The following UNC79 variants were observed in gnomAD, a reference collection of about 807,000 sequenced individuals.
UNC79 encodes the protein unc-79 subunit of NALCN channel complex.
A neutral mutation model predicts 283.1 loss-of-function variants in UNC79; 37 were observed. That is an observed-to-expected ratio of 0.13 (90% CI 0.10 to 0.17). The LOEUF (loss-of-function observed/expected upper bound fraction) is 0.17, where lower values mean the gene tolerates loss of function less well. Among genes scored for constraint, UNC79 ranks in the 10% least tolerant of loss-of-function variants. The pLI is 1.00. For synonymous variants in UNC79, 1,107 were observed against 1,200.2 expected (o/e 0.92, Z 1.61); for missense variants, 2,272 against 3,211.1 (o/e 0.71, Z 7.07).
At chr14:93,425,655 G>A (rs1312708871), upstream of UNC79, among the ~76,000 whole-genome samples, 1 of 152,158 alleles carries the variant, frequency 6.6e-6, no homozygotes, top group Non-Finnish European at 1.5e-5. Context: ...AAATGGGTAA[G>A]ATGCTACTTA....
intron 1 of UNC79, among the ~76,000 whole-genome samples, chr14:93,383,151 G>A (rs2054698978): frequency 6.6e-6 from 1 of 152,154 alleles, no homozygotes; most frequent in Admixed American, 6.5e-5. Flanking sequence ...TACTGGGACC[G>A]TTTTGGGTCT....
At chr14:93,681,677 C>T (rs904551155) in intron 41 of UNC79, among the ~76,000 whole-genome samples, 1 of 152,138 alleles carries the variant, frequency 6.6e-6, no homozygotes. Flanking sequence ...TTTCAGGTCC[C>T]AAAGTTGTTA....
chr14:93,368,404 G>A (rs1289923209), intron 1 of UNC79, among the ~76,000 whole-genome samples: 1 of 152,114 alleles, frequency 6.6e-6, no homozygotes, highest in Non-Finnish European at 1.5e-5. Context: ...TGGGGAGTGG[G>A]GAGAAGGCAT....
chr14:93,407,776 T>C (rs1302976754), intron 1 of UNC79, among the ~76,000 whole-genome samples: 1 of 152,082 alleles, frequency 6.6e-6, no homozygotes, highest in Non-Finnish European at 1.5e-5. Context: ...TCCTCCCCAG[T>C]ACCTTACTAC....
At chr14:93,462,072 C>T (rs1309514773) in intron 1 of UNC79, among the ~76,000 whole-genome samples, 1 of 152,000 alleles carries the variant, frequency 6.6e-6, no homozygotes, top group East Asian at 1.9e-4. Context: ...TTTGGGAGGC[C>T]GAGGCGGTCA....
rs571096088 is a variant in UNC79 at position 93,382,733 on chromosome 14, C to T, written c.-351+49210C>T. On this transcript the variant is annotated intron_variant, in intron 1 of 49. Transcript: ENST00000256339. ...GTCCATATTTAGTGAGTGGTAGAGT[C>T]GGTTCTGGAATCCATGTGTTCTGAT... 4.6e-5 allele frequency among the ~76,000 whole-genome samples: 7 copies of T among 152,212 alleles called. 1 individual carries two copies. In the South Asian group the frequency reaches 8.3e-4, roughly 18 times the overall value.
At chr14:93,660,431 G>T (rs1423883142) in intron 39 of UNC79, among the ~76,000 whole-genome samples, 1 of 148,522 alleles carries the variant, frequency 6.7e-6, no homozygotes, top group Admixed American at 6.8e-5. Context: ...TTGAATTCAG[G>T]CTTCTCTTTT....
intron 46 of UNC79, among the ~76,000 whole-genome samples, chr14:93,692,164 T>C (rs1292156283): frequency 6.6e-6 from 1 of 152,236 alleles, no homozygotes; most frequent in Non-Finnish European, 1.5e-5. Flanking sequence ...AAGAGATCTA[T>C]TGTACGCCGT....
At chr14:93,629,049 A>C (rs1341033794) in intron 30 of UNC79, among the ~76,000 whole-genome samples, 1 of 152,092 alleles carries the variant, frequency 6.6e-6, no homozygotes, top group African/African-American at 2.4e-5. Context: ...AAATACAAAA[A>C]TTAGCTGGGC....
chr14:93,678,475 A>G (rs893596663), intron 41 of UNC79, among the ~76,000 whole-genome samples: 3 of 152,172 alleles, frequency 2.0e-5, no homozygotes, highest in Admixed American at 1.3e-4. Flanking sequence ...CTAAGATGGA[A>G]CCATTTCTAT....
chr14:93,426,409 TC>T (rs1432370748), upstream of UNC79, among the ~76,000 whole-genome samples: 4 of 150,962 alleles, frequency 2.6e-5, no homozygotes, highest in African/African-American at 9.7e-5. Flanking sequence ...AGCCATTATT[TC>T]CTTAAATATT....
At chr14:93,374,186 A>G (rs1168503639) in intron 1 of UNC79, among the ~76,000 whole-genome samples, 1 of 152,096 alleles carries the variant, frequency 6.6e-6, no homozygotes, top group African/African-American at 2.4e-5. Context: ...TGGAAGCAGG[A>G]CCGCTTCCAG....
rs1489061312 is a variant in UNC79 at position 93,690,484 on chromosome 14, T to C, written c.7272+181T>C. On this transcript the variant is annotated intron_variant, in intron 45 of 48. Transcript: ENST00000555664. The surrounding 1 kb of genome is among the most constrained non-coding windows in gnomAD (Gnocchi z 4.3). ...GTTGTTTAGATTCCCAGACTGTCTTTCCCCCCGCCCCCAAATTGTTTTTCG... is the reference window on the plus strand; with the variant it reads ...GTTGTTTAGATTCCCAGACTGTCTTCCCCCCCGCCCCCAAATTGTTTTTCG... 16 of 609,888 alleles carry C rather than the reference T, an allele frequency of 2.6e-5. No individual in the cohort carries two copies. Among genetic ancestry groups the C allele is most frequent in the Non-Finnish European group, 3.5e-5 (14 of 394,488 alleles). 37.8% of individuals were successfully genotyped at this position (609,888 alleles called of 1,614,324 possible).
At chr14:93,418,828 G>T (rs1157343752) in intron 1 of UNC79, among the ~76,000 whole-genome samples, 4 of 151,852 alleles carry the variant, frequency 2.6e-5, no homozygotes, top group African/African-American at 9.7e-5. Context: ...CTCCAAGCCA[G>T]GTGCGCAATA....
chr14:93,405,491 G>A (rs959105537), intron 1 of UNC79, among the ~76,000 whole-genome samples: 2 of 152,060 alleles, frequency 1.3e-5, no homozygotes, highest in Non-Finnish European at 2.9e-5. Context: ...TCTATCCAAA[G>A]TTAACAAAAG....
At chr14:93,557,075 C>G (rs1272413376) in intron 14 of UNC79, among the ~76,000 whole-genome samples, 1 of 152,210 alleles carries the variant, frequency 6.6e-6, no homozygotes. Context: ...CAGAGAAGGA[C>G]ATCCTTAAGT....
At chr14:93,343,369 AGT>A (rs1160007996) in intron 1 of UNC79, among the ~76,000 whole-genome samples, 1 of 152,210 alleles carries the variant, frequency 6.6e-6, no homozygotes, top group African/African-American at 2.4e-5. Flanking sequence ...TTGCAATCCA[AGT>A]GTGTTACTGA....
chr14:93,500,666 C>T (rs965436154), intron 7 of UNC79, among the ~76,000 whole-genome samples: 2 of 152,254 alleles, frequency 1.3e-5, no homozygotes, highest in Non-Finnish European at 2.9e-5. Flanking sequence ...GTCAGTTGTC[C>T]TATTTCTGTT....
Position 93,486,675 on chromosome 14 carries a change from A to AAAAG in UNC79, c.620-979_620-976dup, listed in dbSNP as rs1555423877. Among the ~76,000 whole-genome samples, 218 of 148,036 alleles carry AAAAG rather than the reference A, an allele frequency of 1.5e-3. 8 individuals carry two copies. The highest frequency in any genetic ancestry group is 7.3e-3 in the Middle Eastern group (2 of 274). ...GTCTAAGGAAAAAAAAAAAAAAAAA[A>AAAAG]AAAGAAAGAAAGTCCTCTTGGGAGA... On this transcript the variant is annotated intron_variant, in intron 4 of 48. Coordinates refer to ENST00000555664, the Ensembl canonical transcript of UNC79.
Sources: gnomAD v4.1 joint callset for allele counts (sites outside exome capture counted in the v4.1 genomes callset) on GRCh38, gnomAD v4.1.1 for gene constraint, Gnocchi (gnomAD v3.1) non-coding constraint, MANE v1.5 for transcripts, NCBI Gene and HGNC (gene_info 2026-07-23, HGNC 2026-07-21) for gene names.